Variants in ZNF717 observed in about 807,000 individuals in gnomAD.
ZNF717 encodes the protein krueppel-like factor X17.
A neutral mutation model predicts 13.8 loss-of-function variants in ZNF717; 9 were observed. That is an observed-to-expected ratio of 0.65 (90% CI 0.39 to 1.14). ZNF717 has a LOEUF of 1.14. Among genes scored for constraint, ZNF717 ranks in the 50% most tolerant of loss-of-function variants. The probability of loss-of-function intolerance (pLI) is 0.01; values close to 1 mark genes in which losing one functional copy is unlikely to be tolerated. For synonymous variants in ZNF717, 327 were observed against 364.1 expected, an observed-to-expected ratio of 0.90 and a Z score of 1.16; for missense variants, 1,040 against 1,080.7, an observed-to-expected ratio of 0.96 and a Z score of 0.53.
Position 75,699,581 on chromosome 3 carries a change from T to C in ZNF717, n.1085+11606A>G, listed in dbSNP as rs1486408824. On this transcript the variant is annotated intron_variant and non_coding_transcript_variant, in intron 6 of 6. Coordinates refer to the ZNF717 transcript ENST00000648506. ...CCCTGCCCTCACACTTACCATGTGA[T>C]GTGCAAGCACCAGATTTATTTTTCA... 2.6e-5 allele frequency among the ~76,000 whole-genome samples: 4 copies of C among 152,418 alleles called. No individual in the cohort carries two copies. The South Asian group carries it at 8.3e-4, about 32-fold the overall frequency.
At position 75,737,697 on chromosome 3, in the gene ZNF717, T is replaced by C. The variant is rs1156759119; in HGVS notation, c.1926A>G (p.Thr642=). 6.5e-7 allele frequency: 1 copy of C among 1,543,884 alleles called. No homozygotes were observed. Among genetic ancestry groups the C allele is most frequent in the Non-Finnish European group, 8.8e-7 (1 of 1,142,068 alleles). Residue 642 remains threonine, a synonymous_variant, in exon 5 of 5, where the codon ACA becomes ACG. Coordinates refer to ENST00000652011, the MANE Select transcript of ZNF717 (RefSeq NM_001290208.3). Reference sequence around the variant, plus strand: ...CATTACATACGTAAGGTTTCTCTCCTGTGTGAGTTCCCTGATGGGTGCTGA... The same window carrying C: ...CATTACATACGTAAGGTTTCTCTCCCGTGTGAGTTCCCTGATGGGTGCTGA... The part of the protein sequence containing the change: ...SNLSTHQGTH[T]GEKPYVCNEC...
chr3:75,722,612 T>C (rs2918482), intron 4 of ZNF717, among the ~76,000 whole-genome samples: 127,624 of 151,720 alleles, frequency 0.84, 53,677 homozygotes, highest in East Asian at 0.89. Context: ...GTCAGGAGTT[T>C]GAGACCAGCC....
At chr3:75,733,502 A>ACCAG (rs1374811792), downstream of ZNF717, among the ~76,000 whole-genome samples, 5,522 of 114,540 alleles carry the variant, frequency 0.048, no homozygotes, top group Non-Finnish European at 0.062. Flanking sequence ...ATTCAGGTTG[A>ACCAG]GCTCGGTGGC....
chr3:75,721,775 A>G (rs1483872401), intron 4 of ZNF717, among the ~76,000 whole-genome samples: 1 of 152,114 alleles, frequency 6.6e-6, no homozygotes, highest in East Asian at 1.9e-4. Context: ...GTGTGGAGGA[A>G]TAAGGTCTCT....
chr3:75,745,170 TTCTG>T (rs1409550257), intron 2 of ZNF717, among the ~76,000 whole-genome samples: 2 of 151,850 alleles, frequency 1.3e-5, no homozygotes, highest in Non-Finnish European at 2.9e-5. Flanking sequence ...TTTTTTTTCT[TTCTG>T]TCTTTTTAAA....
chr3:75,728,112 A>G (rs201364907), downstream of ZNF717, among the ~76,000 whole-genome samples: 25 of 152,370 alleles, frequency 1.6e-4, no homozygotes, highest in East Asian at 4.8e-3. Context: ...GGTTTCTCCT[A>G]TGAAAAAACA....
chr3:75,778,476 G>A (rs1375833122), intron 2 of ZNF717, among the ~76,000 whole-genome samples: 12 of 118,538 alleles, frequency 1.0e-4, no homozygotes, highest in East Asian at 2.5e-4. Flanking sequence ...ACCCAAAACA[G>A]TGGGAGTGAC....
At chr3:75,748,712 G>A (rs62246618) in intron 2 of ZNF717, among the ~76,000 whole-genome samples, 29 of 152,022 alleles carry the variant, frequency 1.9e-4, no homozygotes, top group Non-Finnish European at 3.4e-4. Flanking sequence ...AGAGCTATTC[G>A]TGACAAACGC....
downstream of ZNF717, among the ~76,000 whole-genome samples, chr3:75,704,743 G>T (rs933327553): frequency 5.9e-5 from 9 of 152,410 alleles, no homozygotes; most frequent in South Asian, 1.7e-3. Flanking sequence ...TTTTGTAGTA[G>T]CCTGGAGGCT....
rs1464233300 is a variant in ZNF717, at chr3:75,737,758, T to A, written c.1865A>T (p.Asn622Ile). Residue 622 changes from asparagine to isoleucine, a missense_variant, in exon 5 of 5, where the codon AAT (asparagine) becomes ATT (isoleucine). Around this residue, in one of 3 missense-constraint regions of ZNF717, gnomAD observed 873 missense variants for 832.8 expected, o/e 1.05. Transcript: ENST00000652011. ...THTGERPYEC[N>I]ECGKTFRQKS... ...CTGACGAAAGGTTTTTCCACATTCA[T>A]TACATTCATAGGGTCTTTCCCCTGT... The A allele has an allele frequency of 1.7e-4, 269 of 1,550,812 alleles. No individual in the cohort carries two copies. The African/African-American group carries it at 3.0e-3, about 17-fold the overall frequency.
At chr3:75,768,419 G>A (rs1291699495) in intron 2 of ZNF717, among the ~76,000 whole-genome samples, 1 of 146,634 alleles carries the variant, frequency 6.8e-6, no homozygotes, top group African/African-American at 2.5e-5. Context: ...CTGAGGCTGA[G>A]TGTGTCGGGG....
intron 2 of ZNF717, among the ~76,000 whole-genome samples, chr3:75,759,214 G>T (rs368848130): frequency 6.6e-6 from 1 of 151,114 alleles, no homozygotes; most frequent in South Asian, 2.1e-4. Context: ...ATGCATGGCC[G>T]TCCTGTATTG....
chr3:75,742,960 G>GC (rs1473991435), intron 2 of ZNF717, among the ~76,000 whole-genome samples: 47 of 152,324 alleles, frequency 3.1e-4, no homozygotes, highest in Non-Finnish European at 5.0e-4. Context: ...TATCACAATA[G>GC]TCCCATAAGA....
chr3:75,765,867 G>T (rs1943425225), intron 2 of ZNF717, among the ~76,000 whole-genome samples: 1 of 152,206 alleles, frequency 6.6e-6, no homozygotes, highest in African/African-American at 2.4e-5. Flanking sequence ...CCAACACTTT[G>T]GGAGGCCAAG....
chr3:75,780,652 G>A (rs548916106), intron 2 of ZNF717, among the ~76,000 whole-genome samples: 86 of 152,286 alleles, frequency 5.6e-4, no homozygotes, highest in Admixed American at 2.2e-3. Context: ...CACCCACCTC[G>A]GCCTCCCAAA....
chr3:75,703,495 C>T (rs1224105898), intron 6 of ZNF717, among the ~76,000 whole-genome samples: 8 of 152,174 alleles, frequency 5.3e-5, no homozygotes, highest in Non-Finnish European at 8.8e-5. Context: ...GTGCACTGCA[C>T]TCCAGCCTGG....
At chr3:75,727,148 A>T (rs1181370517), downstream of ZNF717, among the ~76,000 whole-genome samples, 1 of 152,258 alleles carries the variant, frequency 6.6e-6, no homozygotes, top group African/African-American at 2.4e-5. Context: ...TTAATCTCCT[A>T]ATCCCGTCAT....
downstream of ZNF717, among the ~76,000 whole-genome samples, chr3:75,727,678 T>C (rs1273205329): frequency 6.6e-6 from 1 of 152,242 alleles, no homozygotes; most frequent in African/African-American, 2.4e-5. Context: ...GAACCTTGTT[T>C]CCTGTTAAGA....
chr3:75,772,665 T>C (rs566507770), intron 2 of ZNF717, among the ~76,000 whole-genome samples: 24 of 152,362 alleles, frequency 1.6e-4, no homozygotes, highest in African/African-American at 5.5e-4. Context: ...CCAGATCCCA[T>C]GCTCGCTTGC....
Sources: allele counts gnomAD v4.1 joint callset (sites outside exome capture counted in the v4.1 genomes callset), GRCh38; gene constraint gnomAD v4.1.1; regional missense constraint gnomAD v4.1.1; transcripts MANE v1.5; gene names NCBI Gene and HGNC (gene_info 2026-07-23, HGNC 2026-07-21).